FHIP2A: variants seen among roughly 807,000 people sequenced by gnomAD.
The protein encoded by FHIP2A is FHF complex subunit HOOK interacting protein 2A.
A neutral mutation model predicts 93.5 loss-of-function variants in FHIP2A; 46 were observed. The ratio of observed to expected loss-of-function variants is 0.49; its 90% confidence interval spans 0.39 to 0.63. FHIP2A has a LOEUF of 0.63. FHIP2A is among the 20% of genes least tolerant of loss of function. The pLI is 0.00. For synonymous variants in FHIP2A, 332 were observed against 326.5 expected, an observed-to-expected ratio of 1.02 and a Z score of -0.18; for missense variants, 769 against 909.7, an observed-to-expected ratio of 0.85 and a Z score of 1.99.
rs1445559686 is a variant in FHIP2A, at chr10:114,863,336, A to G, written c.*1796A>G. The G allele has an allele frequency of 5.1e-6, 5 of 981,576 alleles. No homozygotes were observed. The Admixed American group carries it at 3.1e-4, about 60-fold the overall frequency. The allele number at this position is 981,576 out of a possible 1,614,324, so 60.8% of individuals were successfully genotyped here. ...AGTCTACTTTGATATATGAGTATTTAAACTAAGGCATTAAGAGATATTAGA... is the reference window on the plus strand; with the variant it reads ...AGTCTACTTTGATATATGAGTATTTGAACTAAGGCATTAAGAGATATTAGA... On this transcript the variant is annotated 3_prime_UTR_variant, in exon 17 of 17. Transcript: ENST00000369248.
At chr10:114,848,164 G>A (rs1004854131) in intron 12 of FHIP2A, among the ~76,000 whole-genome samples, 1 of 151,954 alleles carries the variant, frequency 6.6e-6, no homozygotes, top group Non-Finnish European at 1.5e-5. Context: ...TTCCCTTGCA[G>A]TGTTGTCACT....
At chr10:114,822,156 C>G (rs910358631) in intron 1 of FHIP2A, 33 bp downstream of exon 1, 1 of 1,256,716 alleles carries the variant, frequency 8.0e-7, no homozygotes. Flanking sequence ...CACGGCAGGC[C>G]GGGGATGGCG....
At chr10:114,851,177 G>A (rs1050276863) in intron 13 of FHIP2A, among the ~76,000 whole-genome samples, 1 of 152,144 alleles carries the variant, frequency 6.6e-6, no homozygotes, top group Admixed American at 6.5e-5. Flanking sequence ...GCCTCTCAAA[G>A]TGCTGGGATT....
At position 114,822,131 on chromosome 10, in the gene FHIP2A, C is replaced by G; in HGVS notation, c.45+8C>G. ...CAGCACGCCGTGGAGGCGGTAAGGC[C>G]GCGGGCTGCGGGCGCACGGCAGGCC... On this transcript the variant is annotated splice_region_variant and intron_variant, in intron 1 of 16. Coordinates refer to ENST00000369248, the MANE Select transcript of FHIP2A (RefSeq NM_020940.4). 1 of 1,318,350 alleles carries G rather than the reference C, an allele frequency of 7.6e-7. No homozygotes were observed. The highest frequency in any genetic ancestry group is 9.9e-7 in the Non-Finnish European group (1 of 1,012,344). The allele number at this position is 1,318,350 out of a possible 1,614,324, so 81.7% of individuals were successfully genotyped here.
chr10:114,899,123 TA>T (rs2084014813), intron 16 of FHIP2A, among the ~76,000 whole-genome samples: 6 of 152,288 alleles, frequency 3.9e-5, no homozygotes, highest in Middle Eastern at 3.4e-3. Flanking sequence ...GCTTCACGGG[TA>T]AGCCTAAGCA....
At chr10:114,824,611 C>T (rs1025673643) in intron 1 of FHIP2A, among the ~76,000 whole-genome samples, 2 of 152,154 alleles carry the variant, frequency 1.3e-5, no homozygotes, top group Admixed American at 1.3e-4. Flanking sequence ...TTTTAACATT[C>T]TCTCTTGGGA....
rs571349299 is a variant in FHIP2A at position 114,832,530 on chromosome 10, T to TA, written c.125-700dup. The stretch of plus-strand genomic sequence containing the variant: ...CAACCTATTTCTATTTAAAGAGACT[T>TA]AAAGTTCAGATCTTCTGAACTGGCT... On this transcript the variant is annotated intron_variant, in intron 2 of 16. Transcript: ENST00000369248. 1.1e-4 allele frequency among the ~76,000 whole-genome samples: 16 copies of TA among 152,234 alleles called. No homozygotes were observed. The South Asian group carries it at 2.9e-3, about 28-fold the overall frequency.
intron 16 of FHIP2A, among the ~76,000 whole-genome samples, chr10:114,873,491 C>G (rs750928651): frequency 2.0e-5 from 3 of 152,018 alleles, no homozygotes; most frequent in Non-Finnish European, 2.9e-5. Flanking sequence ...GCAAAGTCAC[C>G]GTAGATAGCT....
chr10:114,859,756 T>C (rs780525761), intron 14 of FHIP2A, among the ~76,000 whole-genome samples: 17 of 152,224 alleles, frequency 1.1e-4, no homozygotes, highest in Admixed American at 2.0e-4. Context: ...AATCACGATA[T>C]TACATGTAAA....
At position 114,879,466 on chromosome 10, in the gene FHIP2A, C is replaced by T. The variant is rs142475668; in HGVS notation, c.2192+18132C>T. Among the ~76,000 whole-genome samples the T allele has an allele frequency of 6.8e-3, 1,041 of 152,278 alleles. 8 individuals carry two copies. Among genetic ancestry groups the T allele is most frequent in the African/African-American group, 0.024 (1,000 of 41,538 alleles). On this transcript the variant is annotated intron_variant, in intron 16 of 16. Coordinates refer to the FHIP2A transcript ENST00000369250. ...AAATCCATATGAATACTGAAATACA[C>T]ACATACTCTGAGCACTAATACTTTT...
At chr10:114,836,319 T>A in intron 5 of FHIP2A, 73 bp downstream of exon 5, 1 of 1,210,122 alleles carries the variant, frequency 8.3e-7, no homozygotes, top group Non-Finnish European at 1.2e-6. Context: ...ATTATGTGAA[T>A]AATATTAGAA....
chr10:114,836,393 A>G, intron 5 of FHIP2A, 147 bp downstream of exon 5: 1 of 661,690 alleles, frequency 1.5e-6, no homozygotes, highest in African/African-American at 1.8e-5. Flanking sequence ...CTTTAATATC[A>G]CTATTTTATT....
chr10:114,837,327 C>T (rs2083641915), intron 5 of FHIP2A, among the ~76,000 whole-genome samples: 1 of 152,110 alleles, frequency 6.6e-6, no homozygotes, highest in Non-Finnish European at 1.5e-5. Context: ...TCAGCCTGAC[C>T]AACATCGTGA....
chr10:114,884,507 G>A (rs2083931953), intron 16 of FHIP2A, among the ~76,000 whole-genome samples: 1 of 152,170 alleles, frequency 6.6e-6, no homozygotes, highest in Admixed American at 6.5e-5. Context: ...TTTAATGAGA[G>A]CATGTATAAA....
At chr10:114,896,278 G>T (rs906547266) in intron 16 of FHIP2A, among the ~76,000 whole-genome samples, 6 of 151,682 alleles carry the variant, frequency 4.0e-5, no homozygotes, top group Non-Finnish European at 8.8e-5. Context: ...AGGCCCTTTG[G>T]GAATGAAGGT....
At chr10:114,882,932 G>A (rs2083924274) in intron 16 of FHIP2A, among the ~76,000 whole-genome samples, 2 of 151,794 alleles carry the variant, frequency 1.3e-5, no homozygotes, top group Admixed American at 1.3e-4. Context: ...TCCTTTTTCA[G>A]CTTGATCCAG....
chr10:114,847,007 C>A, intron 11 of FHIP2A, 83 bp from the exon 12 acceptor site: 2 of 1,237,320 alleles, frequency 1.6e-6, no homozygotes. Flanking sequence ...GTAACATTTT[C>A]TAAGAACATA....
chr10:114,891,219 A>T (rs1295723173), intron 16 of FHIP2A, among the ~76,000 whole-genome samples: 2 of 138,466 alleles, frequency 1.4e-5, no homozygotes, highest in African/African-American at 2.6e-5. Context: ...AACAACAACA[A>T]ATATATATAT....
Position 114,875,879 on chromosome 10 carries a change from GAA to G in FHIP2A, c.2192+14548_2192+14549del, listed in dbSNP as rs1278256458. On this transcript the variant is annotated intron_variant, in intron 16 of 16. Coordinates refer to the FHIP2A transcript ENST00000369250. ...AAAGAAAGAAAGAAAGAGAAAGAAA[GAA>G]AAGAAAGAGAGAGAAAGAAATAAAG... Among the ~76,000 whole-genome samples the G allele has an allele frequency of 2.4e-4, 24 of 99,430 alleles. 2 individuals are homozygous for G. Among genetic ancestry groups the G allele is most frequent in the Non-Finnish European group, 4.3e-4 (21 of 48,332 alleles). 65.2% of individuals were successfully genotyped at this position (99,430 alleles called of 152,430 possible).
Sources: gnomAD v4.1 joint callset for allele counts (sites outside exome capture counted in the v4.1 genomes callset) on GRCh38, gnomAD v4.1.1 for gene constraint, MANE v1.5 for transcripts, NCBI Gene and HGNC (gene_info 2026-07-23, HGNC 2026-07-21) for gene names.